The following NCALD variants were observed in gnomAD, a reference collection of about 807,000 sequenced individuals.
NCALD encodes neurocalcin delta, also known as neurocalcin-delta.
Under a neutral mutation model 18.6 loss-of-function variants are expected in NCALD, and 10 were observed. That is an observed-to-expected ratio of 0.54 (90% CI 0.33 to 0.91). The LOEUF (loss-of-function observed/expected upper bound fraction) is 0.91. NCALD is among the 40% of genes least tolerant of loss of function. The probability of loss-of-function intolerance (pLI) is 0.03; values close to 1 mark genes in which losing one functional copy is unlikely to be tolerated. For missense variants in NCALD, 184 were observed against 247.6 expected (o/e 0.74, Z 1.72); for synonymous variants, 88 against 87.4 (o/e 1.01, Z -0.04).
At chr8:101,830,477 C>T (rs559488237) in intron 4 of NCALD, among the ~76,000 whole-genome samples, 34 of 151,794 alleles carry the variant, frequency 2.2e-4, no homozygotes, top group African/African-American at 8.2e-4. Flanking sequence ...AGGAGAATCA[C>T]TTGAACCCAG....
At chr8:102,106,445 G>GTA (rs369201039) in intron 1 of NCALD, among the ~76,000 whole-genome samples, 9,020 of 132,510 alleles carry the variant, frequency 0.068, 328 homozygotes, top group South Asian at 0.1. Context: ...TTAGCATATA[G>GTA]TATATATATA....
chr8:102,022,816 G>T (rs1047908990), intron 1 of NCALD, among the ~76,000 whole-genome samples: 13 of 152,146 alleles, frequency 8.5e-5, no homozygotes, highest in Non-Finnish European at 1.8e-4. Context: ...AGTCATTGTG[G>T]TTCCCGAGAA....
intron 2 of NCALD, among the ~76,000 whole-genome samples, chr8:101,968,104 A>C (rs1820101259): frequency 6.6e-6 from 1 of 152,130 alleles, no homozygotes; most frequent in Admixed American, 6.6e-5. Context: ...AGTTTTGGAG[A>C]GCCTATGACC....
At chr8:102,063,199 C>A (rs79539630) in intron 1 of NCALD, among the ~76,000 whole-genome samples, 1 of 152,128 alleles carries the variant, frequency 6.6e-6, no homozygotes, top group South Asian at 2.1e-4. Flanking sequence ...AATTTGAATA[C>A]GGTGCCGACT....
Position 101,801,251 on chromosome 8 carries a change from ACAAT to A in NCALD, c.-19-81607_-19-81604del, listed in dbSNP as rs1398498242. Among the ~76,000 whole-genome samples the A allele has an allele frequency of 5.9e-5, 9 of 152,300 alleles. No individual in the cohort carries two copies. In the South Asian group the frequency reaches 1.0e-3, roughly 18 times the overall value. On this transcript the variant is annotated intron_variant, in intron 4 of 6. Coordinates refer to the NCALD transcript ENST00000311028. ...AGCATCAAGATAAATTTTAAAAATC[ACAAT>A]CAAAGTCTTAATTTAAAACATCTTT...
At chr8:101,751,780 T>A (rs13281055) in intron 1 of NCALD, among the ~76,000 whole-genome samples, 93,218 of 151,954 alleles carry the variant, frequency 0.61, 31,414 homozygotes, top group Non-Finnish European at 0.75. Flanking sequence ...TTTCTGCTTA[T>A]TCGGGAGACA....
intron 1 of NCALD, among the ~76,000 whole-genome samples, chr8:102,081,891 C>T (rs1428791348): frequency 1.3e-5 from 2 of 152,248 alleles, no homozygotes; most frequent in Admixed American, 6.5e-5. Flanking sequence ...TTTGGTTTAC[C>T]GGTGTAAATA....
intron 1 of NCALD, among the ~76,000 whole-genome samples, chr8:102,104,029 G>A (rs1023231713): frequency 2.0e-5 from 3 of 152,096 alleles, no homozygotes; most frequent in African/African-American, 7.2e-5. Flanking sequence ...ACACGCATAC[G>A]CATACAAACA....
At chr8:101,819,587 G>A (rs988810305) in intron 4 of NCALD, among the ~76,000 whole-genome samples, 1 of 151,980 alleles carries the variant, frequency 6.6e-6, no homozygotes, top group Non-Finnish European at 1.5e-5. Flanking sequence ...GCTCTCCCCT[G>A]TAAATCTCTT....
intron 1 of NCALD, among the ~76,000 whole-genome samples, chr8:101,770,316 C>T (rs1811530459): frequency 6.6e-6 from 1 of 152,160 alleles, no homozygotes; most frequent in Non-Finnish European, 1.5e-5. Flanking sequence ...CAAGCAGCTG[C>T]ATATGCTTGA....
chr8:102,035,763 A>G (rs536286538), intron 1 of NCALD, among the ~76,000 whole-genome samples: 121 of 152,182 alleles, frequency 8.0e-4, no homozygotes, highest in Non-Finnish European at 1.5e-3. Flanking sequence ...AATTTTCACC[A>G]AAATTTCATT....
At chr8:102,081,545 TAAAAAAA>T (rs770307937) in intron 1 of NCALD, among the ~76,000 whole-genome samples, 173 of 68,700 alleles carry the variant, frequency 2.5e-3, no homozygotes, top group African/African-American at 9.4e-3. Context: ...CAAATAATGG[TAAAAAAA>T]AAAAAAAAAA....
chr8:101,832,806 C>T (rs916108691), intron 4 of NCALD, among the ~76,000 whole-genome samples: 4 of 152,222 alleles, frequency 2.6e-5, no homozygotes, highest in Non-Finnish European at 5.9e-5. Context: ...CTTGGCACCC[C>T]TGAGAAACTG....
chr8:101,713,138 C>T (rs1815890411), intron 2 of NCALD, among the ~76,000 whole-genome samples: 1 of 152,170 alleles, frequency 6.6e-6, no homozygotes, highest in South Asian at 2.1e-4. Flanking sequence ...CAAAACTGCA[C>T]AAGTACGTGG....
At chr8:101,934,359 C>T (rs560003994) in intron 2 of NCALD, among the ~76,000 whole-genome samples, 24 of 152,120 alleles carry the variant, frequency 1.6e-4, no homozygotes, top group African/African-American at 5.5e-4. Context: ...GGAAGAATTC[C>T]AGGTACACGA....
In NCALD at chr8:101,938,136, T is replaced by C. The variant is rs146580447; in HGVS notation, c.-156-22278A>G. Reference sequence around the variant, plus strand: ...GATAAACCTTCTGCTTAATAATCCATCCTAAAATTTAATGAACTCAATAAG... The same window carrying C: ...GATAAACCTTCTGCTTAATAATCCACCCTAAAATTTAATGAACTCAATAAG... On this transcript the variant is annotated intron_variant, in intron 2 of 6. Coordinates refer to the NCALD transcript ENST00000311028. Among the ~76,000 whole-genome samples the C allele has an allele frequency of 3.8e-3, 576 of 152,284 alleles. 6 individuals are homozygous for C. Among genetic ancestry groups the C allele is most frequent in the Non-Finnish European group, 3.7e-3 (254 of 68,016 alleles).
At chr8:101,808,648 T>C (rs1445373217) in intron 4 of NCALD, among the ~76,000 whole-genome samples, 1 of 152,156 alleles carries the variant, frequency 6.6e-6, no homozygotes, top group African/African-American at 2.4e-5. Flanking sequence ...TAAAAACAAA[T>C]AGGCAAACAA....
intron 1 of NCALD, among the ~76,000 whole-genome samples, chr8:101,720,117 T>G (rs888587766): frequency 6.6e-6 from 1 of 152,188 alleles, no homozygotes; most frequent in African/African-American, 2.4e-5. Flanking sequence ...CAGGTTTTAT[T>G]GCTAGAATAT....
chr8:101,972,656 C>T (rs913731513), intron 2 of NCALD, among the ~76,000 whole-genome samples: 3 of 152,312 alleles, frequency 2.0e-5, no homozygotes, highest in South Asian at 2.1e-4. Context: ...TTGGAAGTTA[C>T]TTTTTCCCAA....
Sources: gnomAD v4.1 joint callset for allele counts (sites outside exome capture counted in the v4.1 genomes callset) on GRCh38, gnomAD v4.1.1 for gene constraint, MANE v1.5 for transcripts, NCBI Gene and HGNC (gene_info 2026-07-23, HGNC 2026-07-21) for gene names.